The following C1orf167 variants were observed in gnomAD, a reference collection of about 807,000 sequenced individuals.
The protein encoded by C1orf167 is uncharacterized protein C1orf167.
C1orf167 carries 153 observed loss-of-function variants against 176.5 expected under a neutral mutation model. That is an observed-to-expected ratio of 0.87 (90% CI 0.76 to 0.99). The LOEUF (loss-of-function observed/expected upper bound fraction) is 0.99, where lower values mean the gene tolerates loss of function less well. Among genes scored for constraint, C1orf167 ranks in the 50% least tolerant of loss-of-function variants. The pLI, the probability that C1orf167 is intolerant of heterozygous loss-of-function variation, is 0.00. For synonymous variants in C1orf167, 594 were observed against 752.7 expected, an observed-to-expected ratio of 0.79 and a Z score of 3.45; for missense variants, 1,490 against 1,817.7, an observed-to-expected ratio of 0.82 and a Z score of 3.28.
At chr1:11,776,718 A>G in intron 10 of C1orf167, 80 bp downstream of exon 10, 1 of 1,121,384 alleles carries the variant, frequency 8.9e-7, no homozygotes, top group Non-Finnish European at 1.1e-6. Flanking sequence ...CAGCACCAGG[A>G]GGAATGCGGG....
rs1643729585 is a variant in C1orf167, at chr1:11,784,191, G to A, written c.3023G>A (p.Cys1008Tyr). ...LLLQSYFQAWCEVVRDTGVLR... is the reference protein window; with the variant it reads ...LLLQSYFQAWYEVVRDTGVLR... ...TTTTGCAGCTACTTCCAGGCCTGGTGTGAGGTTGTAAGAGACACGGGGGTG... is the reference window on the plus strand; with the variant it reads ...TTTTGCAGCTACTTCCAGGCCTGGTATGAGGTTGTAAGAGACACGGGGGTG... Residue 1008 changes from cysteine (C) to tyrosine (Y), a missense_variant, in exon 15 of 21, where the codon TGT (cysteine) becomes TAT (tyrosine). Transcript: ENST00000688073. 3 of 1,241,956 alleles carry A rather than the reference G, an allele frequency of 2.4e-6. No individual in the cohort carries two copies. The highest frequency in any genetic ancestry group is 3.1e-6 in the Non-Finnish European group (3 of 956,856). The allele number at this position is 1,241,956 out of a possible 1,614,324, so 76.9% of individuals were successfully genotyped here. A position where few individuals can be genotyped will look rare whatever the true frequency, so the allele number is the denominator to read the frequency against.
intron 1 of C1orf167, among the ~76,000 whole-genome samples, 155 bp downstream of exon 1, chr1:11,762,460 AGAGCTCCGGCGT>A (rs1642556173): frequency 6.6e-6 from 1 of 152,096 alleles, no homozygotes; most frequent in South Asian, 2.1e-4. Flanking sequence ...AATGGACCGA[AGAGCTCCGGCGT>A]GAGGGGCAGG....
chr1:11,771,783 G>A (rs551006157), intron 7 of C1orf167, 147 bp downstream of exon 7: 1 of 507,976 alleles, frequency 2.0e-6, no homozygotes, highest in East Asian at 7.1e-5. Context: ...AATCTCATTT[G>A]AGCCTCACAG....
At chr1:11,774,125 G>A (rs12734761) in intron 8 of C1orf167, among the ~76,000 whole-genome samples, 85,734 of 151,834 alleles carry the variant, frequency 0.56, 25,285 homozygotes, top group East Asian at 0.77. Flanking sequence ...GGCTGGCCTC[G>A]AACTCCTGGA....
Position 11,784,303 on chromosome 1 carries a change from AG to A in C1orf167, c.3136del (p.Val1046TrpfsTer99), listed in dbSNP as rs1450518959. The A allele has an allele frequency of 1.5e-6, 2 of 1,303,620 alleles. No homozygotes were observed. Among genetic ancestry groups the A allele is most frequent in the African/African-American group, 3.0e-5 (2 of 65,892 alleles). The allele number at this position is 1,303,620 out of a possible 1,614,324, so 80.8% of individuals were successfully genotyped here. A position where few individuals can be genotyped will look rare whatever the true frequency, so the allele number is the denominator to read the frequency against. On this transcript the variant is annotated frameshift_variant, in exon 15 of 21. Coordinates refer to ENST00000688073, the MANE Select transcript of C1orf167 (RefSeq NM_001010881.2). LOFTEE classifies it high-confidence loss of function. The part of the protein sequence containing the change: ...VFATWREAQE[V>X]AAGAQEQRVA... Reference sequence around the variant, plus strand: ...TTGCCACATGGCGGGAAGCCCAGGAAGTGGCAGCCGGGGCACAGGAGCAGCG... The same window carrying A: ...TTGCCACATGGCGGGAAGCCCAGGAATGGCAGCCGGGGCACAGGAGCAGCG...
chr1:11,780,886 T>C (rs1889292), intron 13 of C1orf167, among the ~76,000 whole-genome samples: 85,796 of 151,750 alleles, frequency 0.57, 25,318 homozygotes, highest in East Asian at 0.77. Flanking sequence ...GTGCAGTGTG[T>C]TAGAAGCCCT....
chr1:11,788,104 G>A, intron 18 of C1orf167, 45 bp from the exon 19 acceptor site: 1 of 1,277,536 alleles, frequency 7.8e-7, no homozygotes, highest in Non-Finnish European at 1.0e-6. Context: ...CAAGGGCTGA[G>A]GGGCTTGCCT....
Position 11,779,997 on chromosome 1 carries a change from C to G in C1orf167, c.2847C>G (p.His949Gln), listed in dbSNP as rs1374150684. The change falls in exon 13 of 21, where the codon CAC becomes CAG. Residue 949 changes from histidine to glutamine, a missense_variant. Transcript: ENST00000688073. ...RLARDALCHWHSCWQGQQFLH... is the reference protein window; with the variant it reads ...RLARDALCHWQSCWQGQQFLH... ...CACGAGATGCCCTATGCCACTGGCA[C>G]TCCTGTTGGCAGGGTGAGTGGAGAC... 7.8e-7 allele frequency: 1 copy of G among 1,282,314 alleles called. No homozygotes were observed. Among genetic ancestry groups the G allele is most frequent in the African/African-American group, 1.5e-5 (1 of 65,606 alleles). The allele number at this position is 1,282,314 out of a possible 1,614,324, so 79.4% of individuals were successfully genotyped here.
rs534895468 is a variant in C1orf167 at position 11,768,817 on chromosome 1, T to C, written c.1543-156T>C. ...ATTTGTTCATTCATTCATTCCTTCA[T>C]TCCCAAAGAAGGAATGAATAGGCAG... On this transcript the variant is annotated intron_variant, in intron 5 of 20. Transcript: ENST00000688073. The surrounding 1 kb of genome is among the most constrained non-coding windows in gnomAD (Gnocchi z 4.5). Among the ~76,000 whole-genome samples the C allele has an allele frequency of 6.6e-6, 1 of 152,284 alleles. No individual in the cohort carries two copies. Among genetic ancestry groups the C allele is most frequent in the South Asian group, 2.1e-4 (1 of 4,832 alleles).
Position 11,772,134 on chromosome 1 carries a change from T to C in C1orf167, c.1863T>C (p.Thr621=), listed in dbSNP as rs1643109647. The C allele has an allele frequency of 7.7e-7, 1 of 1,304,144 alleles. No individual in the cohort carries two copies. Among genetic ancestry groups the C allele is most frequent in the Admixed American group, 2.3e-5 (1 of 43,542 alleles). 80.8% of individuals were successfully genotyped at this position (1,304,144 alleles called of 1,614,324 possible). ...QKKRARQERE[T]LRKATRATQR... Reference sequence around the variant, plus strand: ...AACGGGCCAGACAGGAGAGGGAGACTCTGCGGAAGGCCACCAGGGCCACAC... The same window carrying C: ...AACGGGCCAGACAGGAGAGGGAGACCCTGCGGAAGGCCACCAGGGCCACAC... Residue 621 remains threonine, a synonymous_variant, in exon 8 of 21, where the codon ACT becomes ACC. Coordinates refer to ENST00000688073, the MANE Select transcript of C1orf167 (RefSeq NM_001010881.2).
rs1368858670 is a variant in C1orf167, at chr1:11,789,508, C to T, written c.*62C>T. On this transcript the variant is annotated 3_prime_UTR_variant, in exon 21 of 21. Transcript: ENST00000688073. The stretch of plus-strand genomic sequence containing the variant: ...GCCTTCCCAGGGAAGGAACCATGCC[C>T]CACACATCCAGGGAGTGATGACAGA... The T allele has an allele frequency of 4.7e-6, 6 of 1,263,298 alleles. No individual in the cohort carries two copies. The highest frequency in any genetic ancestry group is 6.2e-6 in the Non-Finnish European group (6 of 961,774). 78.3% of individuals were successfully genotyped at this position (1,263,298 alleles called of 1,614,324 possible).
chr1:11,782,109 G>A (rs891111303), intron 13 of C1orf167, 80 bp from the exon 14 acceptor site: 26 of 1,155,044 alleles, frequency 2.3e-5, no homozygotes, highest in East Asian at 7.7e-5. Flanking sequence ...GGTAGGGGGC[G>A]AAGGGCTGGC....
intron 14 of C1orf167, among the ~76,000 whole-genome samples, chr1:11,783,732 C>T (rs944941326): frequency 1.3e-5 from 2 of 152,306 alleles, no homozygotes; most frequent in Middle Eastern, 6.8e-3. Context: ...AGATGGAAAG[C>T]CAGTGCTTTC....
rs753081071 is a variant in C1orf167, at chr1:11,770,972, TTG to T, written c.1698-524_1698-523del. ...AGTGTGTGCCACCACACTGGCTAAT[TTG>T]TGTGTGTGTGTGTGTGTGTGTGTGT... On this transcript the variant is annotated intron_variant, in intron 6 of 20. Transcript: ENST00000688073. 7.7e-3 allele frequency among the ~76,000 whole-genome samples: 606 copies of T among 78,538 alleles called. 3 individuals are homozygous for T. The highest frequency in any genetic ancestry group is 0.014 in the Admixed American group (76 of 5,334). The allele number at this position is 78,538 out of a possible 152,430, so 51.5% of individuals were successfully genotyped here. A position where few individuals can be genotyped will look rare whatever the true frequency, so the allele number is the denominator to read the frequency against.
chr1:11,772,390 G>C (rs930417797), intron 8 of C1orf167, 131 bp downstream of exon 8: 6 of 787,106 alleles, frequency 7.6e-6, no homozygotes, highest in Non-Finnish European at 1.1e-5. Context: ...TCAGCCTCTC[G>C]AGTAGCTGGG....
In C1orf167 at chr1:11,767,030, A is replaced by G; in HGVS notation, c.1244A>G (p.Glu415Gly). The G allele has an allele frequency of 8.2e-7, 1 of 1,218,578 alleles. No individual in the cohort carries two copies. Among genetic ancestry groups the G allele is most frequent in the South Asian group, 1.5e-5 (1 of 68,744 alleles). 75.5% of individuals were successfully genotyped at this position (1,218,578 alleles called of 1,614,324 possible). The change falls in exon 3 of 21, where the codon GAG (glutamate) becomes GGG (glycine). Residue 415 changes from glutamate (E) to glycine (G), a missense_variant. Coordinates refer to ENST00000688073, the MANE Select transcript of C1orf167 (RefSeq NM_001010881.2). ...CCGAGGGAGCGGGTCCACAGGGAGGAGGAGAGGACAGCTTTCCATCTGTCA... is the reference window on the plus strand; with the variant it reads ...CCGAGGGAGCGGGTCCACAGGGAGGGGGAGAGGACAGCTTTCCATCTGTCA... Reference protein sequence around the residue: ...GAPRERVHREEERTAFHLSDT... With the variant: ...GAPRERVHREGERTAFHLSDT...
At chr1:11,765,799 T>G in intron 2 of C1orf167, 58 bp from the exon 3 acceptor site, 1 of 1,175,312 alleles carries the variant, frequency 8.5e-7, no homozygotes, top group South Asian at 1.6e-5. Context: ...CTGGAGAGCT[T>G]CGCCTGTCCC....
intron 2 of C1orf167, among the ~76,000 whole-genome samples, chr1:11,764,713 A>C (rs1428196398): frequency 2.0e-5 from 3 of 152,214 alleles, no homozygotes; most frequent in Admixed American, 1.3e-4. Context: ...TGGGGCCCCC[A>C]CAGCTCGGTC....
At position 11,788,431 on chromosome 1, in the gene C1orf167, T is replaced by C. The variant is rs956680646; in HGVS notation, c.4078+53T>C. 5.6e-6 allele frequency: 7 copies of C among 1,256,434 alleles called. No homozygotes were observed. The East Asian group carries it at 4.0e-4, about 73-fold the overall frequency. The allele number at this position is 1,256,434 out of a possible 1,614,324, so 77.8% of individuals were successfully genotyped here. On this transcript the variant is annotated intron_variant, in intron 19 of 20. Transcript: ENST00000688073. ...GACCATCTCCCATTTCACCTCATACTTAACCCAAACCCCTCTCAAAAGTAT... is the reference window on the plus strand; with the variant it reads ...GACCATCTCCCATTTCACCTCATACCTAACCCAAACCCCTCTCAAAAGTAT...
Sources: allele counts gnomAD v4.1 joint callset (sites outside exome capture counted in the v4.1 genomes callset), GRCh38; gene constraint gnomAD v4.1.1; non-coding constraint Gnocchi (gnomAD v3.1); transcripts MANE v1.5; gene names NCBI Gene and HGNC (gene_info 2026-07-23, HGNC 2026-07-21).